UBE2Q2: variants seen among roughly 807,000 people sequenced by gnomAD.
UBE2Q2 encodes the protein ubiquitin-conjugating enzyme E2 Q2.
A neutral mutation model predicts 59.9 loss-of-function variants in UBE2Q2; 54 were observed. The observed-to-expected ratio is 0.90, with a 90% CI of 0.72 to 1.13. The LOEUF (loss-of-function observed/expected upper bound fraction) is 1.13. Ranked by LOEUF, UBE2Q2 falls within the 50% of genes most tolerant of loss-of-function variation. The probability of loss-of-function intolerance (pLI) is 0.00; values close to 1 mark genes in which losing one functional copy is unlikely to be tolerated. For synonymous variants in UBE2Q2, 165 were observed against 155.2 expected (o/e 1.06, Z -0.47); for missense variants, 433 against 441.9 (o/e 0.98, Z 0.18).
chr15:75,844,268 T>TAC, intron 1 of UBE2Q2: 1 of 1,531,734 alleles, frequency 6.5e-7, no homozygotes, highest in South Asian at 1.2e-5. Context: ...CCTTAAGTTT[T>TAC]AACGCCTCAT....
At chr15:75,874,078 C>T (rs1897941072) in intron 5 of UBE2Q2, among the ~76,000 whole-genome samples, 1 of 152,114 alleles carries the variant, frequency 6.6e-6, no homozygotes, top group Non-Finnish European at 1.5e-5. Context: ...TCTTCATATC[C>T]TGGAACCACC....
At chr15:75,853,524 G>A (rs918248144) in intron 1 of UBE2Q2, among the ~76,000 whole-genome samples, 3 of 151,814 alleles carry the variant, frequency 2.0e-5, no homozygotes, top group Non-Finnish European at 4.4e-5. Context: ...ATGTATGTAT[G>A]TGTGTATATA....
At chr15:75,857,061 G>C (rs960031711) in intron 2 of UBE2Q2, among the ~76,000 whole-genome samples, 1 of 152,160 alleles carries the variant, frequency 6.6e-6, no homozygotes, top group Non-Finnish European at 1.5e-5. Flanking sequence ...AGGAGTTTGA[G>C]ATTAGCTTTG....
At chr15:75,853,488 A>G (rs1307388274) in intron 1 of UBE2Q2, among the ~76,000 whole-genome samples, 1 of 147,308 alleles carries the variant, frequency 6.8e-6, no homozygotes, top group African/African-American at 2.7e-5. Context: ...AAGAAAAAAA[A>G]ATTATATATA....
intron 1 of UBE2Q2, among the ~76,000 whole-genome samples, chr15:75,851,814 A>C (rs1896647922): frequency 6.6e-6 from 1 of 152,216 alleles, no homozygotes; most frequent in Non-Finnish European, 1.5e-5. Flanking sequence ...ATCACTTGAA[A>C]TATTAAAAAG....
intron 12 of UBE2Q2, among the ~76,000 whole-genome samples, chr15:75,899,188 A>ATTGC (rs940237247): frequency 2.7e-5 from 4 of 150,894 alleles, no homozygotes; most frequent in Non-Finnish European, 4.4e-5. Context: ...AGGCAGGAGA[A>ATTGC]TTGCTTGATC....
chr15:75,850,990 T>C (rs1364808760), intron 1 of UBE2Q2, among the ~76,000 whole-genome samples: 1 of 152,246 alleles, frequency 6.6e-6, no homozygotes, highest in Non-Finnish European at 1.5e-5. Context: ...TTCATTGATG[T>C]TTGCTCTGTC....
At chr15:75,867,899 A>G (rs535930781) in intron 3 of UBE2Q2, among the ~76,000 whole-genome samples, 15 of 152,322 alleles carry the variant, frequency 9.8e-5, no homozygotes, top group Non-Finnish European at 2.1e-4. Context: ...AGGGAAATGA[A>G]AAAAGGGAGA....
At position 75,899,628 on chromosome 15, in the gene UBE2Q2, AT is replaced by A; in HGVS notation, c.*174del. On this transcript the variant is annotated 3_prime_UTR_variant, in exon 13 of 13. Transcript: ENST00000267938. ...ATCCAGTATAAGTTACAGCCTTTGC[AT>A]TTTGCTCATTTTAGATATCTTGGAC... 2.2e-6 allele frequency: 1 copy of A among 453,876 alleles called. No homozygotes were observed. The highest frequency in any genetic ancestry group is 3.8e-6 in the Non-Finnish European group (1 of 264,216). The allele number at this position is 453,876 out of a possible 1,614,324, so 28.1% of individuals were successfully genotyped here.
chr15:75,865,000 A>G (rs951791272), intron 3 of UBE2Q2, among the ~76,000 whole-genome samples: 4 of 152,114 alleles, frequency 2.6e-5, no homozygotes, highest in African/African-American at 9.7e-5. Context: ...TTGCCATACT[A>G]TTAAAACTTT....
intron 1 of UBE2Q2, among the ~76,000 whole-genome samples, chr15:75,846,276 C>T (rs1405931044): frequency 6.6e-6 from 1 of 152,066 alleles, no homozygotes; most frequent in African/African-American, 2.4e-5. Context: ...CTCGCTGTGT[C>T]GTCCCAGCTG....
chr15:75,893,922 T>C (rs1899250019), intron 11 of UBE2Q2, among the ~76,000 whole-genome samples: 1 of 152,182 alleles, frequency 6.6e-6, no homozygotes, highest in Non-Finnish European at 1.5e-5. Context: ...CCCTCCCTCT[T>C]CCTGTCTGGA....
At chr15:75,858,928 C>T (rs1017418987) in intron 2 of UBE2Q2, among the ~76,000 whole-genome samples, 8 of 152,198 alleles carry the variant, frequency 5.3e-5, no homozygotes, top group African/African-American at 9.7e-5. Context: ...TTCTTTGCTT[C>T]GTTAACCCAT....
chr15:75,873,062 C>A (rs1897881878), intron 4 of UBE2Q2, among the ~76,000 whole-genome samples: 1 of 152,124 alleles, frequency 6.6e-6, no homozygotes, highest in Non-Finnish European at 1.5e-5. Context: ...TCTTAGAATA[C>A]AATTCTAGAA....
chr15:75,881,060 G>GTA (rs988103453), intron 8 of UBE2Q2, among the ~76,000 whole-genome samples: 4 of 151,908 alleles, frequency 2.6e-5, no homozygotes, highest in African/African-American at 9.7e-5. Context: ...TATGAGTCTG[G>GTA]TATATATTGA....
At chr15:75,885,044 G>A (rs145222394) in intron 9 of UBE2Q2, among the ~76,000 whole-genome samples, 1 of 152,026 alleles carries the variant, frequency 6.6e-6, no homozygotes, top group Non-Finnish European at 1.5e-5. Context: ...TTTCTTAAGA[G>A]TTTACTTACC....
chr15:75,855,624 T>C (rs1368488501), intron 2 of UBE2Q2, among the ~76,000 whole-genome samples: 1 of 152,214 alleles, frequency 6.6e-6, no homozygotes, highest in Non-Finnish European at 1.5e-5. Context: ...AAAAGAGTTT[T>C]TAAGATTACT....
At chr15:75,872,414 A>T (rs1227516582) in intron 4 of UBE2Q2, among the ~76,000 whole-genome samples, 1 of 151,978 alleles carries the variant, frequency 6.6e-6, no homozygotes, top group Non-Finnish European at 1.5e-5. Context: ...AAAAGTTAGG[A>T]TTTAAATTCT....
At chr15:75,884,897 G>T (rs187238443) in intron 9 of UBE2Q2, among the ~76,000 whole-genome samples, 1 of 152,094 alleles carries the variant, frequency 6.6e-6, no homozygotes, top group Admixed American at 6.5e-5. Context: ...CATCTTACCC[G>T]CCTCAGCCTT....
Sources: allele counts gnomAD v4.1 joint callset (sites outside exome capture counted in the v4.1 genomes callset), GRCh38; gene constraint gnomAD v4.1.1; transcripts MANE v1.5; gene names NCBI Gene and HGNC (gene_info 2026-07-23, HGNC 2026-07-21).